CAPRIN2: variants seen among roughly 807,000 people sequenced by gnomAD.
The protein encoded by CAPRIN2 is caprin-2.
Under a neutral mutation model 130.4 loss-of-function variants are expected in CAPRIN2, and 66 were observed. The observed-to-expected ratio is 0.51, with a 90% CI of 0.42 to 0.62. The LOEUF is 0.62. CAPRIN2 is among the 20% of genes least tolerant of loss of function. CAPRIN2 has a pLI of 0.00. For synonymous variants in CAPRIN2, 471 were observed against 444.1 expected, an observed-to-expected ratio of 1.06 and a Z score of -0.76; for missense variants, 1,185 against 1,246.6, an observed-to-expected ratio of 0.95 and a Z score of 0.74.
At chr12:30,737,330 A>G (rs2065317716) in intron 3 of CAPRIN2, among the ~76,000 whole-genome samples, 3 of 152,230 alleles carry the variant, frequency 2.0e-5, no homozygotes, top group Non-Finnish European at 2.9e-5. Flanking sequence ...GACAGGGACT[A>G]TATCTACTGT....
exon 8 of CAPRIN2, chr12:30,728,825 T>C (rs1488613882): frequency 1.2e-6 from 2 of 1,614,064 alleles, no homozygotes; most frequent in Non-Finnish European, 1.7e-6. Context: ...AATCCTGTTC[T>C]TCACACATGG....
chr12:30,751,555 A>G (rs2073879483), intron 1 of CAPRIN2: 1 of 209,348 alleles, frequency 4.8e-6, no homozygotes, highest in African/African-American at 2.3e-5. Flanking sequence ...GAAGAGTGCT[A>G]CCGGTATCTT....
chr12:30,731,277 T>C, intron 6 of CAPRIN2, 66 bp downstream of exon 7: 1 of 1,242,586 alleles, frequency 8.0e-7, no homozygotes. Context: ...CACTGCACAA[T>C]ACGTGACTCA....
intron 4 of CAPRIN2, 92 bp from the exon 6 acceptor site, chr12:30,733,803 C>T: frequency 1.2e-6 from 1 of 806,670 alleles, no homozygotes; most frequent in South Asian, 1.5e-5. Context: ...CATTAACAGA[C>T]AAGACATTCA....
chr12:30,712,157 T>C (rs2055086874), intron 15 of CAPRIN2, among the ~76,000 whole-genome samples: 2 of 152,072 alleles, frequency 1.3e-5, no homozygotes, highest in South Asian at 4.1e-4. Context: ...GAAAAAATGT[T>C]CCAGGGGCAG....
chr12:30,723,943 C>G (rs2060163331), intron 10 of CAPRIN2, among the ~76,000 whole-genome samples: 1 of 152,206 alleles, frequency 6.6e-6, no homozygotes, highest in African/African-American at 2.4e-5. Context: ...TTTGAAGCAT[C>G]AGACCAGATT....
At chr12:30,714,538 C>T (rs1401165154) in intron 14 of CAPRIN2, among the ~76,000 whole-genome samples, 2 of 152,096 alleles carry the variant, frequency 1.3e-5, no homozygotes, top group Admixed American at 1.3e-4. Flanking sequence ...GGAACCATAA[C>T]AACAGTTTAA....
At chr12:30,739,388 C>T (rs963140678) in intron 3 of CAPRIN2, among the ~76,000 whole-genome samples, 5 of 152,124 alleles carry the variant, frequency 3.3e-5, no homozygotes, top group Admixed American at 2.6e-4. Context: ...GAACAATACA[C>T]ACTGGAGCCA....
At chr12:30,720,874 C>A (rs1461873204) in exon 12 of CAPRIN2, 2 of 1,613,710 alleles carry the variant, frequency 1.2e-6, no homozygotes, top group South Asian at 2.2e-5. Context: ...CGGTAGTAAC[C>A]AAGCAAGCAT....
intron 1 of CAPRIN2, 194 bp from the exon 3 acceptor site, chr12:30,751,327 CAT>C (rs1320053042): frequency 1.0e-5 from 6 of 574,106 alleles, no homozygotes; most frequent in African/African-American, 9.4e-5. Context: ...CACAGAATCA[CAT>C]GAGTCTGGAA....
At chr12:30,718,289 C>T (rs1226945914) in intron 12 of CAPRIN2, among the ~76,000 whole-genome samples, 1 of 152,194 alleles carries the variant, frequency 6.6e-6, no homozygotes, top group Admixed American at 6.5e-5. Flanking sequence ...ACTATTCTAT[C>T]TAGAAATAAG....
chr12:30,724,832 A>C (rs1291635887), intron 9 of CAPRIN2, among the ~76,000 whole-genome samples: 1 of 152,026 alleles, frequency 6.6e-6, no homozygotes, highest in Non-Finnish European at 1.5e-5. Context: ...GCTACTAAAA[A>C]TTTTTTGAAG....
At position 30,753,676 on chromosome 12, in the gene CAPRIN2, C is replaced by T. The variant is rs1194616612; in HGVS notation, c.88G>A (p.Glu30Lys). Residue 30 changes from glutamate to lysine, a missense_variant, in exon 1 of 17, where the codon GAA (glutamate) becomes AAA (lysine). Transcript: ENST00000298892. ...GAGGGACACAGCCAGGCAATAACTT[C>T]CCTGGAAAGTCTAGACCACTCCCTT... 3.1e-6 allele frequency: 5 copies of T among 1,613,982 alleles called. No individual in the cohort carries two copies. In the African/African-American group the frequency reaches 4.0e-5, roughly 13 times the overall value.
intron 2 of CAPRIN2, among the ~76,000 whole-genome samples, chr12:30,750,847 A>G (rs752019819): frequency 6.6e-6 from 1 of 151,908 alleles, no homozygotes; most frequent in Non-Finnish European, 1.5e-5. Flanking sequence ...CACTCCTGTT[A>G]ACAATCTACA....
intron 3 of CAPRIN2, among the ~76,000 whole-genome samples, chr12:30,738,754 A>G (rs775212749): frequency 6.6e-6 from 1 of 152,236 alleles, no homozygotes; most frequent in South Asian, 2.1e-4. Context: ...TGATGAATAG[A>G]CACTTTTCAA....
chr12:30,723,490 A>T lies in CAPRIN2; in HGVS notation c.1988-176T>A, dbSNP rs541522361. Reference sequence around the variant, plus strand: ...TAACAAGAGAGAACTGTAGAAGAATAGAAAATACTAGTTCCATCGGTGACA... The same window carrying T: ...TAACAAGAGAGAACTGTAGAAGAATTGAAAATACTAGTTCCATCGGTGACA... On this transcript the variant is annotated intron_variant, in intron 10 of 16. Transcript: ENST00000298892. Among the ~76,000 whole-genome samples, 21 of 152,368 alleles carry T rather than the reference A, an allele frequency of 1.4e-4. No individual in the cohort carries two copies. The Middle Eastern group carries it at 0.014, about 99-fold the overall frequency.
intron 7 of CAPRIN2, among the ~76,000 whole-genome samples, chr12:30,729,687 C>A (rs2137843611): frequency 6.6e-6 from 1 of 152,332 alleles, no homozygotes; most frequent in South Asian, 2.1e-4. Flanking sequence ...CATTAAAAGG[C>A]AGAAGATAGT....
intron 13 of CAPRIN2, chr12:30,715,568 G>GA (rs1315114236): frequency 2.5e-6 from 1 of 395,660 alleles, no homozygotes; most frequent in Non-Finnish European, 5.0e-6. Context: ...GGGGGGAGAT[G>GA]AAAAGTTCTG....
chr12:30,723,549 TA>T (rs1565590058), intron 10 of CAPRIN2, among the ~76,000 whole-genome samples: 1 of 152,148 alleles, frequency 6.6e-6, no homozygotes, highest in Admixed American at 6.5e-5. Flanking sequence ...TGGACAAAAG[TA>T]GCATTTCAAG....
Sources: allele counts gnomAD v4.1 joint callset (sites outside exome capture counted in the v4.1 genomes callset), GRCh38; gene constraint gnomAD v4.1.1; transcripts MANE v1.5; gene names NCBI Gene and HGNC (gene_info 2026-07-23, HGNC 2026-07-21).